NRXN3: variants seen among roughly 807,000 people sequenced by gnomAD.
The protein encoded by NRXN3 is neurexin III.
In NRXN3, 32 loss-of-function variants were observed where a neutral mutation model predicts 137.6. The observed-to-expected ratio is 0.23, with a 90% confidence interval of 0.18 to 0.31. The LOEUF is 0.31. Ranked by LOEUF, NRXN3 falls within the 10% of genes least tolerant of loss-of-function variation. NRXN3 has a pLI of 1.00. For synonymous variants in NRXN3, 798 were observed against 784.5 expected (o/e 1.02, Z -0.29); for missense variants, 1,574 against 2,062.5 (o/e 0.76, Z 4.59).
At chr14:79,615,307 C>A (rs2098142466) in intron 16 of NRXN3, among the ~76,000 whole-genome samples, 1 of 152,102 alleles carries the variant, frequency 6.6e-6, no homozygotes, top group South Asian at 2.1e-4. Flanking sequence ...GAAGATATTG[C>A]AGTGGGAGAA....
chr14:79,685,146 C>G (rs1267999400), intron 17 of NRXN3, among the ~76,000 whole-genome samples: 1 of 152,246 alleles, frequency 6.6e-6, no homozygotes, highest in South Asian at 2.1e-4. Context: ...TTTAGTTTAA[C>G]TCTTCTGAAT....
intron 19 of NRXN3, among the ~76,000 whole-genome samples, chr14:79,724,148 T>C (rs1196858331): frequency 1.3e-5 from 2 of 152,152 alleles, no homozygotes; most frequent in Non-Finnish European, 2.9e-5. Flanking sequence ...AAAAACTTAC[T>C]AAGCCTGCTC....
Position 79,142,320 on chromosome 14 carries a change from G to A in NRXN3, c.3262+154179G>A, listed in dbSNP as rs375523378. 9.9e-5 allele frequency among the ~76,000 whole-genome samples: 15 copies of A among 152,108 alleles called. No individual in the cohort carries two copies. In the South Asian group the frequency reaches 2.3e-3, roughly 23 times the overall value. ...GGGCACCTGTATTCCCAGCTAGTCC[G>A]GAGGCTGAGGCAGGAGAATTGCTTG... On this transcript the variant is annotated intron_variant, in intron 15 of 20. Transcript: ENST00000335750.
At chr14:78,286,070 C>T (rs2075136992) in intron 3 of NRXN3, among the ~76,000 whole-genome samples, 2 of 152,168 alleles carry the variant, frequency 1.3e-5, no homozygotes, top group Non-Finnish European at 1.5e-5. Context: ...TTAGAAATCC[C>T]TCCTTTATTG....
At chr14:78,303,641 C>A (rs576490392) in intron 4 of NRXN3, among the ~76,000 whole-genome samples, 1 of 152,250 alleles carries the variant, frequency 6.6e-6, no homozygotes, top group African/African-American at 2.4e-5. Context: ...TGCCAGCTCC[C>A]CCATCTCCAA....
chr14:78,259,885 G>C (rs2070388122), intron 2 of NRXN3, among the ~76,000 whole-genome samples: 1 of 152,174 alleles, frequency 6.6e-6, no homozygotes, highest in African/African-American at 2.4e-5. Flanking sequence ...GCGTAAGTCA[G>C]AACGGGGAGC....
chr14:78,215,154 G>A (rs2063129766), intron 1 of NRXN3, among the ~76,000 whole-genome samples: 2 of 152,184 alleles, frequency 1.3e-5, no homozygotes, highest in South Asian at 4.1e-4. Flanking sequence ...GGGGGTGGAT[G>A]GGGGTACTGT....
intron 19 of NRXN3, among the ~76,000 whole-genome samples, chr14:79,754,388 T>C (rs745390664): frequency 4.0e-5 from 6 of 150,584 alleles, no homozygotes; most frequent in Non-Finnish European, 5.9e-5. Context: ...GTATAGATTA[T>C]ATGCAAATAC....
intron 20 of NRXN3, among the ~76,000 whole-genome samples, chr14:79,842,384 C>T (rs959559059): frequency 1.4e-4 from 21 of 152,056 alleles, no homozygotes; most frequent in African/African-American, 5.1e-4. Context: ...AAGACCTAGC[C>T]AAGCACTGAG....
intron 14 of NRXN3, among the ~76,000 whole-genome samples, chr14:78,970,514 A>G (rs1015622568): frequency 2.0e-5 from 3 of 152,182 alleles, no homozygotes; most frequent in Non-Finnish European, 2.9e-5. Flanking sequence ...TGGCTACTGT[A>G]TTGGTAGTAC....
rs138435977 is a variant in NRXN3 at position 79,371,817 on chromosome 14, C to T, written c.3263-95404C>T. Among the ~76,000 whole-genome samples, 272 of 152,146 alleles carry T rather than the reference C, an allele frequency of 1.8e-3. 1 individual carries two copies. Among genetic ancestry groups the T allele is most frequent in the African/African-American group, 6.1e-3 (252 of 41,520 alleles). On this transcript the variant is annotated intron_variant, in intron 15 of 20. Coordinates refer to ENST00000335750, the MANE Select transcript of NRXN3 (RefSeq NM_001330195.2). ...GATAATTAAAACACAAAATACCCAACGATGCTGTTTTTATTGTAGGTATAT... is the reference window on the plus strand; with the variant it reads ...GATAATTAAAACACAAAATACCCAATGATGCTGTTTTTATTGTAGGTATAT...
intron 4 of NRXN3, among the ~76,000 whole-genome samples, chr14:78,417,428 T>C (rs1231993245): frequency 6.6e-6 from 1 of 152,200 alleles, no homozygotes; most frequent in African/African-American, 2.4e-5. Flanking sequence ...GCGCAGATGC[T>C]CTCAGGCTGT....
At chr14:79,095,124 A>G (rs2050066067) in intron 15 of NRXN3, among the ~76,000 whole-genome samples, 1 of 152,108 alleles carries the variant, frequency 6.6e-6, no homozygotes, top group Non-Finnish European at 1.5e-5. Context: ...GGCATGCATT[A>G]TGCTAATGTG....
At chr14:79,719,172 C>T (rs977149791) in intron 19 of NRXN3, among the ~76,000 whole-genome samples, 17 of 152,044 alleles carry the variant, frequency 1.1e-4, no homozygotes, top group African/African-American at 4.1e-4. Flanking sequence ...ACTCGGGTCT[C>T]TTCCCAAGGT....
chr14:79,010,438 TCCATATGAGTGTAACTCATA>T (rs1434617644), intron 15 of NRXN3, among the ~76,000 whole-genome samples: 2 of 152,144 alleles, frequency 1.3e-5, no homozygotes, highest in East Asian at 3.9e-4. Context: ...TAATCCAGCA[TCCATATGAGTGTAACTCATA>T]CCTAGGCTGA....
intron 4 of NRXN3, among the ~76,000 whole-genome samples, chr14:78,509,402 G>A (rs1843726734): frequency 6.6e-6 from 1 of 152,158 alleles, no homozygotes; most frequent in Admixed American, 6.5e-5. Flanking sequence ...ATTTCTTAGG[G>A]GTCTTTGAAA....
At chr14:78,862,730 C>T (rs1167180015) in intron 10 of NRXN3, among the ~76,000 whole-genome samples, 1 of 152,024 alleles carries the variant, frequency 6.6e-6, no homozygotes, top group Non-Finnish European at 1.5e-5. Context: ...GTCATGAAAA[C>T]ATGTACAAAA....
rs1483085392 is a variant in NRXN3 at position 79,236,372 on chromosome 14, T to A, written c.3263-230849T>A. 2.6e-5 allele frequency among the ~76,000 whole-genome samples: 4 copies of A among 152,260 alleles called. No individual in the cohort carries two copies. The East Asian group carries it at 7.7e-4, about 29-fold the overall frequency. ...ATGTACATATGTTCACATACATTTA[T>A]GTATATGTATGTATATATGAATCAT... On this transcript the variant is annotated intron_variant, in intron 15 of 20. Coordinates refer to ENST00000335750, the MANE Select transcript of NRXN3 (RefSeq NM_001330195.2).
chr14:78,554,799 T>G (rs2096723474), intron 4 of NRXN3, among the ~76,000 whole-genome samples: 1 of 152,202 alleles, frequency 6.6e-6, no homozygotes, highest in African/African-American at 2.4e-5. Context: ...CTAGGCAAGG[T>G]ACTGGGGAGT....
Sources: allele counts gnomAD v4.1 joint callset (sites outside exome capture counted in the v4.1 genomes callset), GRCh38; gene constraint gnomAD v4.1.1; transcripts MANE v1.5; gene names NCBI Gene and HGNC (gene_info 2026-07-23, HGNC 2026-07-21).